The following MOB3B variants were observed in gnomAD, a reference collection of about 807,000 sequenced individuals.
MOB3B encodes MOB kinase activator 3B, also known as MOB kinase activator-like 2B.
MOB3B carries 7 observed loss-of-function variants against 18.7 expected under a neutral mutation model. The observed-to-expected ratio is 0.37, with a 90% CI of 0.21 to 0.70. The LOEUF (loss-of-function observed/expected upper bound fraction) is 0.70, where lower values mean the gene tolerates loss of function less well. Among genes scored for constraint, MOB3B ranks in the 30% least tolerant of loss-of-function variants. The pLI is 0.52. For missense variants in MOB3B, 253 were observed against 281.3 expected (o/e 0.90, Z 0.72); for synonymous variants, 111 against 99.9 (o/e 1.11, Z -0.66).
intron 1 of MOB3B, among the ~76,000 whole-genome samples, chr9:27,478,039 GA>G (rs926272552): frequency 3.3e-5 from 5 of 151,848 alleles, no homozygotes; most frequent in Non-Finnish European, 7.4e-5. Flanking sequence ...GTATCAGGGT[GA>G]AAAAAAATGC....
rs138688402 is a variant in MOB3B at position 27,451,123 on chromosome 9, T to G, written c.418+4010A>C. 1.2e-4 allele frequency among the ~76,000 whole-genome samples: 18 copies of G among 152,334 alleles called. No homozygotes were observed. The East Asian group carries it at 3.5e-3, about 29-fold the overall frequency. Reference sequence around the variant, plus strand: ...GCTTTTTTCTATCAGGTCTAAAATATTAAATCCTATTATATAACAGAAAAA... The same window carrying G: ...GCTTTTTTCTATCAGGTCTAAAATAGTAAATCCTATTATATAACAGAAAAA... On this transcript the variant is annotated intron_variant, in intron 2 of 3. Transcript: ENST00000262244.
At chr9:27,342,752 T>C (rs2131340444) in intron 3 of MOB3B, among the ~76,000 whole-genome samples, 1 of 151,616 alleles carries the variant, frequency 6.6e-6, no homozygotes, top group East Asian at 2.1e-4. Context: ...GCAGATGGAG[T>C]CTCGCTCACT....
chr9:27,464,876 A>G (rs1226338900), intron 1 of MOB3B, among the ~76,000 whole-genome samples: 8 of 152,170 alleles, frequency 5.3e-5, no homozygotes, highest in African/African-American at 1.9e-4. Flanking sequence ...ATAGCATGGG[A>G]AAGACTGGCC....
intron 2 of MOB3B, among the ~76,000 whole-genome samples, chr9:27,451,920 G>C (rs1202769767): frequency 1.3e-5 from 2 of 152,272 alleles, no homozygotes; most frequent in South Asian, 4.1e-4. Context: ...TCTTCCAAAA[G>C]ACCACAACAG....
Position 27,417,359 on chromosome 9 carries a change from G to T in MOB3B, c.418+37774C>A, listed in dbSNP as rs531057385. ...AGCTTGGGCGACAGAGCGAGACTCCGTCTCAAAAACAAAAGGAAACAAAAC... is the reference window on the plus strand; with the variant it reads ...AGCTTGGGCGACAGAGCGAGACTCCTTCTCAAAAACAAAAGGAAACAAAAC... On this transcript the variant is annotated intron_variant, in intron 2 of 3. Coordinates refer to ENST00000262244, the MANE Select transcript of MOB3B (RefSeq NM_024761.5). Among the ~76,000 whole-genome samples the T allele has an allele frequency of 1.3e-4, 20 of 150,028 alleles. No individual in the cohort carries two copies. The South Asian group carries it at 4.1e-3, about 31-fold the overall frequency.
At chr9:27,456,044 C>T (rs767344120) in intron 1 of MOB3B, among the ~76,000 whole-genome samples, 4 of 152,138 alleles carry the variant, frequency 2.6e-5, no homozygotes, top group Non-Finnish European at 4.4e-5. Flanking sequence ...TAAGGATGAA[C>T]ATGTTGATCA....
intron 1 of MOB3B, among the ~76,000 whole-genome samples, chr9:27,497,721 G>A (rs1819921915): frequency 6.6e-6 from 1 of 151,794 alleles, no homozygotes; most frequent in Non-Finnish European, 1.5e-5. Flanking sequence ...TCCTACATGG[G>A]GAATTAATCA....
At chr9:27,339,187 A>G (rs1820905745) in intron 3 of MOB3B, among the ~76,000 whole-genome samples, 1 of 152,200 alleles carries the variant, frequency 6.6e-6, no homozygotes, top group African/African-American at 2.4e-5. Flanking sequence ...GCTTGTTTTC[A>G]GAGGAGGGTA....
intron 1 of MOB3B, among the ~76,000 whole-genome samples, chr9:27,486,462 C>A (rs189192348): frequency 7.5e-4 from 114 of 152,300 alleles, no homozygotes; most frequent in Admixed American, 1.1e-3. Flanking sequence ...ATTATGGAGG[C>A]AATGAATAGA....
At chr9:27,335,758 C>T (rs1489530007) in intron 3 of MOB3B, among the ~76,000 whole-genome samples, 1 of 152,184 alleles carries the variant, frequency 6.6e-6, no homozygotes, top group Non-Finnish European at 1.5e-5. Context: ...GGGACACATT[C>T]TTCTACCCTC....
At chr9:27,525,789 G>T (rs191682363) in intron 1 of MOB3B, among the ~76,000 whole-genome samples, 4 of 152,162 alleles carry the variant, frequency 2.6e-5, no homozygotes, top group Non-Finnish European at 4.4e-5. Context: ...TTTTACATTA[G>T]ATTTTCCTAG....
At chr9:27,422,389 A>G (rs1822268748) in intron 2 of MOB3B, among the ~76,000 whole-genome samples, 1 of 152,246 alleles carries the variant, frequency 6.6e-6, no homozygotes, top group African/African-American at 2.4e-5. Context: ...CAATAGAGGC[A>G]TTTGGTAAAT....
At chr9:27,524,572 T>G in intron 1 of MOB3B, 7 of 1,614,052 alleles carry the variant, frequency 4.3e-6, no homozygotes, top group Non-Finnish European at 5.9e-6. Flanking sequence ...ACCCAACCTA[T>G]GAAGAGGGAC....
intron 3 of MOB3B, among the ~76,000 whole-genome samples, chr9:27,333,838 G>A (rs999661898): frequency 3.3e-5 from 5 of 152,064 alleles, no homozygotes; most frequent in African/African-American, 1.2e-4. Context: ...AAAGAAAGAG[G>A]ACCCATCGCC....
chr9:27,442,302 T>G (rs187012916), intron 2 of MOB3B, among the ~76,000 whole-genome samples: 1 of 152,232 alleles, frequency 6.6e-6, no homozygotes, highest in African/African-American at 2.4e-5. Context: ...CTGTTGTTCA[T>G]CTGTCTTATT....
chr9:27,514,233 A>G (rs1316180551), intron 1 of MOB3B, among the ~76,000 whole-genome samples: 2 of 151,538 alleles, frequency 1.3e-5, no homozygotes, highest in Non-Finnish European at 2.9e-5. Flanking sequence ...AATTAGCTAT[A>G]ATATTTGGAG....
chr9:27,330,567 C>T lies in MOB3B; in HGVS notation c.*20G>A, dbSNP rs1424377916. 3 of 1,613,548 alleles carry T rather than the reference C, an allele frequency of 1.9e-6. No individual in the cohort carries two copies. The African/African-American group carries it at 4.0e-5, about 22-fold the overall frequency. On this transcript the variant is annotated 3_prime_UTR_variant, in exon 4 of 4. Coordinates refer to ENST00000262244, the MANE Select transcript of MOB3B (RefSeq NM_024761.5). The stretch of plus-strand genomic sequence containing the variant: ...CAGGAGGAAACAGCTTTCCTTTCTT[C>T]CAAAGGGTGAGGTGGAGCATTAGTG...
chr9:27,360,909 C>T (rs1027433760), intron 2 of MOB3B, among the ~76,000 whole-genome samples: 8 of 152,118 alleles, frequency 5.3e-5, no homozygotes, highest in African/African-American at 1.2e-4. Context: ...GTTGAGGGTG[C>T]GGTAGAGCCA....
At chr9:27,361,699 A>C (rs1821276789) in intron 2 of MOB3B, among the ~76,000 whole-genome samples, 1 of 152,254 alleles carries the variant, frequency 6.6e-6, no homozygotes, top group South Asian at 2.1e-4. Flanking sequence ...AAAGAAATAG[A>C]TTTGGGACAA....
Sources: allele counts gnomAD v4.1 joint callset (sites outside exome capture counted in the v4.1 genomes callset), GRCh38; gene constraint gnomAD v4.1.1; transcripts MANE v1.5; gene names NCBI Gene and HGNC (gene_info 2026-07-23, HGNC 2026-07-21).